Variants in GGACT observed in about 807,000 individuals in gnomAD.
The protein encoded by GGACT is gamma-glutamylamine cyclotransferase.
For missense variants in GGACT, 241 were observed against 233.2 expected, an observed-to-expected ratio of 1.03 and a Z score of -0.22; for synonymous variants, 118 against 115.3, an observed-to-expected ratio of 1.02 and a Z score of -0.15.
At chr13:100,585,405 G>T (rs1875537160) in intron 1 of GGACT, among the ~76,000 whole-genome samples, 1 of 152,116 alleles carries the variant, frequency 6.6e-6, no homozygotes. Flanking sequence ...GAGACCATAG[G>T]GCCTGCAAAG....
chr13:100,566,214 T>C (rs552993996), intron 2 of GGACT, among the ~76,000 whole-genome samples: 1 of 152,336 alleles, frequency 6.6e-6, no homozygotes, highest in East Asian at 1.9e-4. Context: ...CCACAGAAAC[T>C]GTGGGATAAT....
At chr13:100,553,653 G>C (rs1403603520) in intron 2 of GGACT, among the ~76,000 whole-genome samples, 1 of 152,056 alleles carries the variant, frequency 6.6e-6, no homozygotes, top group Non-Finnish European at 1.5e-5. Flanking sequence ...GGACCAGCCT[G>C]GCCAATAATG....
At chr13:100,588,478 C>G (rs1366515467) in intron 1 of GGACT, 2 of 152,220 alleles carry the variant, frequency 1.3e-5, no homozygotes, top group Non-Finnish European at 1.5e-5. Context: ...CGCCCTCTGC[C>G]CGTTCTGGCA....
intron 2 of GGACT, among the ~76,000 whole-genome samples, chr13:100,568,868 A>G (rs1367167571): frequency 6.6e-6 from 1 of 152,264 alleles, no homozygotes; most frequent in African/African-American, 2.4e-5. Context: ...CAAATGGGAT[A>G]AATTGGCCAA....
At chr13:100,544,425 A>G (rs974033851) in intron 2 of GGACT, among the ~76,000 whole-genome samples, 1 of 152,156 alleles carries the variant, frequency 6.6e-6, no homozygotes, top group Admixed American at 6.5e-5. Context: ...GTCGCTTGCT[A>G]GTTTCTTTAC....
chr13:100,543,313 T>G (rs950749866), intron 2 of GGACT, among the ~76,000 whole-genome samples: 1 of 143,448 alleles, frequency 7.0e-6, no homozygotes, highest in Non-Finnish European at 1.5e-5. Context: ...GTTCAAGCAG[T>G]TCTCCTGCCT....
At chr13:100,555,611 G>T (rs1479177973) in intron 2 of GGACT, among the ~76,000 whole-genome samples, 3 of 151,946 alleles carry the variant, frequency 2.0e-5, no homozygotes, top group African/African-American at 7.3e-5. Context: ...GAGGCAGGAG[G>T]ATCATCTGCC....
Position 100,558,000 on chromosome 13 carries a change from G to A in GGACT, c.-10-25399C>T, listed in dbSNP as rs1411822926. On this transcript the variant is annotated intron_variant, in intron 2 of 2. Transcript: ENST00000683975. ...GTTTGAGACCAGCCTGACCAACATG[G>A]AGAAACCCAGTCTCTACTAGAAATA... 3.3e-5 allele frequency among the ~76,000 whole-genome samples: 5 copies of A among 152,058 alleles called. No homozygotes were observed. The East Asian group carries it at 9.7e-4, about 29-fold the overall frequency.
At chr13:100,538,436 A>G (rs1239139668) in intron 2 of GGACT, 1 of 152,256 alleles carries the variant, frequency 6.6e-6, no homozygotes, top group African/African-American at 2.4e-5. Flanking sequence ...AGTTTTAAAA[A>G]TTGTGATAAA....
rs954115501 is a variant in GGACT at position 100,532,583 on chromosome 13, T to G, written c.9A>C (p.Leu3=). 6.5e-7 allele frequency: 1 copy of G among 1,541,270 alleles called. No individual in the cohort carries two copies. Among genetic ancestry groups the G allele is most frequent in the Non-Finnish European group, 8.8e-7 (1 of 1,140,516 alleles). The stretch of plus-strand genomic sequence containing the variant: ...GCTTCAGGGTGCCGTACACGAAGAC[T>G]AGGGCCATCCGGGCAGAGCTGCAGG... MA[L]VFVYGTLKRG... Residue 3 remains leucine, a synonymous_variant, in exon 3 of 3, where the codon CTA becomes CTC. Coordinates refer to ENST00000683975, the MANE Select transcript of GGACT (RefSeq NM_001195087.2).
chr13:100,548,519 G>T (rs1439580725), intron 2 of GGACT, among the ~76,000 whole-genome samples: 1 of 152,210 alleles, frequency 6.6e-6, no homozygotes, highest in East Asian at 1.9e-4. Context: ...TAAAAGTGAA[G>T]AAATACAAAT....
intron 2 of GGACT, chr13:100,539,999 C>T: frequency 2.0e-6 from 3 of 1,500,352 alleles, no homozygotes; most frequent in Admixed American, 3.3e-5. Flanking sequence ...CGATTCCTGA[C>T]TACTTTGCTG....
At chr13:100,588,369 C>T (rs1875645090) in intron 1 of GGACT, among the ~76,000 whole-genome samples, 1 of 152,228 alleles carries the variant, frequency 6.6e-6, no homozygotes, top group Non-Finnish European at 1.5e-5. Context: ...GAAGTGTTAG[C>T]CCGGTTCAGC....
At chr13:100,538,624 C>T (rs1027563414) in intron 2 of GGACT, 2 of 152,172 alleles carry the variant, frequency 1.3e-5, no homozygotes, top group African/African-American at 2.4e-5. Context: ...AATTCCTGTT[C>T]TATGCTATTT....
At chr13:100,577,719 T>C (rs1875294410) in intron 2 of GGACT, among the ~76,000 whole-genome samples, 1 of 151,410 alleles carries the variant, frequency 6.6e-6, no homozygotes, top group Non-Finnish European at 1.5e-5. Flanking sequence ...GGGTGGCACA[T>C]GAGGGTTACT....
At chr13:100,556,064 C>G in intron 2 of GGACT, among the ~76,000 whole-genome samples, 1 of 152,216 alleles carries the variant, frequency 6.6e-6, no homozygotes, top group Non-Finnish European at 1.5e-5. Context: ...AGTACTTTCC[C>G]TTGAGACTGG....
At chr13:100,559,334 T>C (rs1429727049) in intron 2 of GGACT, among the ~76,000 whole-genome samples, 1 of 151,918 alleles carries the variant, frequency 6.6e-6, no homozygotes, top group African/African-American at 2.4e-5. Context: ...ATTACAGGCA[T>C]GTGCCACCAT....
chr13:100,535,572 T>A (rs1180745737), intron 2 of GGACT, among the ~76,000 whole-genome samples: 1 of 152,180 alleles, frequency 6.6e-6, no homozygotes, highest in Non-Finnish European at 1.5e-5. Context: ...ACATGTAGCG[T>A]GTGCCGCTGC....
chr13:100,577,148 G>C (rs2050685), intron 2 of GGACT, among the ~76,000 whole-genome samples: 42,305 of 152,020 alleles, frequency 0.28, 6,391 homozygotes, highest in African/African-American at 0.38. Context: ...CCGGGCAGTG[G>C]CTCACACCTG....
Sources: allele counts gnomAD v4.1 joint callset (sites outside exome capture counted in the v4.1 genomes callset), GRCh38; gene constraint gnomAD v4.1.1; transcripts MANE v1.5; gene names NCBI Gene and HGNC (gene_info 2026-07-23, HGNC 2026-07-21).